KCNAB1: variants seen among roughly 807,000 people sequenced by gnomAD.
KCNAB1 encodes the protein voltage-gated potassium channel subunit beta-1.
A neutral mutation model predicts 64.6 loss-of-function variants in KCNAB1; 35 were observed. The ratio of observed to expected loss-of-function variants is 0.54; its 90% confidence interval spans 0.41 to 0.72. The LOEUF (loss-of-function observed/expected upper bound fraction) is 0.72, where lower values mean the gene tolerates loss of function less well. KCNAB1 is among the 30% of genes least tolerant of loss of function. The probability of loss-of-function intolerance (pLI) is 0.00; values close to 1 mark genes in which losing one functional copy is unlikely to be tolerated. For missense variants in KCNAB1, 401 were observed against 512.9 expected, an observed-to-expected ratio of 0.78 and a Z score of 2.11; for synonymous variants, 177 against 183.8, an observed-to-expected ratio of 0.96 and a Z score of 0.30.
chr3:156,477,896 A>G (rs560030931), intron 8 of KCNAB1, among the ~76,000 whole-genome samples: 4 of 152,160 alleles, frequency 2.6e-5, no homozygotes, highest in Non-Finnish European at 5.9e-5. Context: ...TGTTGTTGAG[A>G]GTCACCTTTG....
chr3:156,368,487 C>A (rs1726094176), intron 1 of KCNAB1, among the ~76,000 whole-genome samples: 1 of 152,180 alleles, frequency 6.6e-6, no homozygotes, highest in Admixed American at 6.5e-5. Context: ...AGTGTAGGTG[C>A]AATCATAGCT....
chr3:156,130,714 T>C (rs916775400), intron 1 of KCNAB1, among the ~76,000 whole-genome samples: 1 of 152,212 alleles, frequency 6.6e-6, no homozygotes, highest in African/African-American at 2.4e-5. Context: ...GTAATTTCAC[T>C]TTTCACCTTC....
intron 1 of KCNAB1, among the ~76,000 whole-genome samples, chr3:156,160,448 C>T (rs1239340646): frequency 2.0e-5 from 3 of 152,188 alleles, no homozygotes; most frequent in Admixed American, 2.0e-4. Context: ...CCTCCTCCTT[C>T]TCCTCTTTCT....
chr3:156,175,813 T>C (rs1022223755), intron 1 of KCNAB1: 1 of 617,096 alleles, frequency 1.6e-6, no homozygotes, highest in Non-Finnish European at 3.0e-6. Flanking sequence ...ACGTCACTTA[T>C]GCAGTCTGAG....
chr3:156,159,236 G>A lies in KCNAB1; in HGVS notation c.275+38350G>A, dbSNP rs140899969. Reference sequence around the variant, plus strand: ...GTTGTTTCTATTTCTTGAGCTTTGGGTCTTATTCTTAGCTCTCTTCTTGCT... The same window carrying A: ...GTTGTTTCTATTTCTTGAGCTTTGGATCTTATTCTTAGCTCTCTTCTTGCT... On this transcript the variant is annotated intron_variant, in intron 1 of 13. Coordinates refer to ENST00000490337, the MANE Select transcript of KCNAB1 (RefSeq NM_172160.3). Among the ~76,000 whole-genome samples, 159 of 152,124 alleles carry A rather than the reference G, an allele frequency of 1.0e-3. No homozygotes were observed. In the Middle Eastern group the frequency reaches 0.014, roughly 13 times the overall value.
chr3:156,379,543 G>A (rs552845076), intron 1 of KCNAB1, among the ~76,000 whole-genome samples: 2 of 152,288 alleles, frequency 1.3e-5, no homozygotes, highest in East Asian at 3.9e-4. Context: ...TCCAGGTACA[G>A]GGAACAGCCT....
chr3:156,390,622 G>A (rs1442532326), intron 1 of KCNAB1, among the ~76,000 whole-genome samples: 3 of 150,840 alleles, frequency 2.0e-5, no homozygotes, highest in African/African-American at 7.3e-5. Context: ...TCGCTCTGTT[G>A]CCCAGGCTGG....
intron 1 of KCNAB1, among the ~76,000 whole-genome samples, chr3:156,164,055 G>T (rs1472362872): frequency 6.6e-6 from 1 of 152,166 alleles, no homozygotes; most frequent in East Asian, 1.9e-4. Context: ...AGTTCTAACT[G>T]TTTCTTAACC....
chr3:156,335,069 C>T (rs1723594929), intron 1 of KCNAB1, among the ~76,000 whole-genome samples: 1 of 152,170 alleles, frequency 6.6e-6, no homozygotes, highest in Non-Finnish European at 1.5e-5. Context: ...AGGCTAAAAC[C>T]CCAGTGGCTT....
intron 1 of KCNAB1, among the ~76,000 whole-genome samples, chr3:156,357,681 A>G (rs1683596785): frequency 6.6e-6 from 1 of 152,016 alleles, no homozygotes; most frequent in South Asian, 2.1e-4. Flanking sequence ...TTTTAATAAT[A>G]CATTTTATTT....
At chr3:156,467,895 A>G (rs534662304) in intron 7 of KCNAB1, among the ~76,000 whole-genome samples, 1 of 152,042 alleles carries the variant, frequency 6.6e-6, no homozygotes, top group Admixed American at 6.6e-5. Context: ...CCTTATTTAT[A>G]TATTTATTTA....
intron 1 of KCNAB1, among the ~76,000 whole-genome samples, chr3:156,396,696 C>A (rs1479680309): frequency 1.3e-5 from 2 of 152,218 alleles, no homozygotes; most frequent in Non-Finnish European, 2.9e-5. Context: ...TTAGCTTTAT[C>A]TGCCTGGGTA....
chr3:156,304,299 A>G (rs953583015), intron 1 of KCNAB1, among the ~76,000 whole-genome samples: 5 of 152,198 alleles, frequency 3.3e-5, no homozygotes, highest in African/African-American at 1.2e-4. Context: ...CCTCATGTCA[A>G]CATCCAAACT....
At chr3:156,253,310 G>A (rs750946897) in intron 1 of KCNAB1, among the ~76,000 whole-genome samples, 9 of 152,190 alleles carry the variant, frequency 5.9e-5, no homozygotes, top group Non-Finnish European at 1.2e-4. Context: ...ACAGGAGTGA[G>A]ATACGTGGCT....
chr3:156,240,893 C>T (rs1041660216), intron 1 of KCNAB1, among the ~76,000 whole-genome samples: 19 of 152,106 alleles, frequency 1.2e-4, no homozygotes, highest in African/African-American at 4.1e-4. Context: ...ATCGAGGGTG[C>T]GTTATCAAGA....
At chr3:156,437,199 G>A (rs2108253642) in intron 2 of KCNAB1, among the ~76,000 whole-genome samples, 1 of 152,298 alleles carries the variant, frequency 6.6e-6, no homozygotes, top group Admixed American at 6.5e-5. Context: ...AGTGGCTGCT[G>A]TGTTGCTCTT....
chr3:156,415,102 A>G (rs934473557), intron 1 of KCNAB1, among the ~76,000 whole-genome samples: 1 of 152,234 alleles, frequency 6.6e-6, no homozygotes, highest in Admixed American at 6.5e-5. Context: ...GCACAAATTT[A>G]TCTAGGCTGG....
intron 1 of KCNAB1, chr3:156,291,065 T>TG (rs1230796588): frequency 1.0e-6 from 1 of 985,518 alleles, no homozygotes; most frequent in Non-Finnish European, 1.2e-6. Context: ...GCAGCAGATT[T>TG]GGTCTGAGTC....
intron 1 of KCNAB1, among the ~76,000 whole-genome samples, chr3:156,277,346 C>G (rs1012933544): frequency 1.3e-5 from 2 of 152,050 alleles, no homozygotes; most frequent in African/African-American, 4.8e-5. Flanking sequence ...CAAAATATGA[C>G]ACAGAGACAT....
Sources: gnomAD v4.1 joint callset for allele counts (sites outside exome capture counted in the v4.1 genomes callset) on GRCh38, gnomAD v4.1.1 for gene constraint, MANE v1.5 for transcripts, NCBI Gene and HGNC (gene_info 2026-07-23, HGNC 2026-07-21) for gene names.